The following CCBE1 variants were observed in gnomAD, a reference collection of about 807,000 sequenced individuals.
CCBE1 encodes the protein collagen and calcium binding EGF domains 1, also known as collagen and calcium-binding EGF domain-containing protein 1.
Under a neutral mutation model 50.0 loss-of-function variants are expected in CCBE1, and 37 were observed. That is an observed-to-expected ratio of 0.74 (90% CI 0.57 to 0.97). The LOEUF (loss-of-function observed/expected upper bound fraction) is 0.97. CCBE1 is among the 50% of genes least tolerant of loss of function. CCBE1 has a pLI of 0.00. For synonymous variants in CCBE1, 234 were observed against 203.7 expected (o/e 1.15, Z -1.27); for missense variants, 538 against 523.8 (o/e 1.03, Z -0.26).
chr18:59,482,064 C>G (rs956787520), intron 2 of CCBE1, among the ~76,000 whole-genome samples: 6 of 152,202 alleles, frequency 3.9e-5, no homozygotes, highest in Admixed American at 2.6e-4. Flanking sequence ...CATCCCTCAA[C>G]AGGCCCCAGT....
At chr18:59,487,599 A>T (rs1451269244) in intron 2 of CCBE1, among the ~76,000 whole-genome samples, 1 of 152,156 alleles carries the variant, frequency 6.6e-6, no homozygotes, top group African/African-American at 2.4e-5. Flanking sequence ...CCACTAAGAT[A>T]AAACTAAAAA....
At chr18:59,564,395 T>C (rs1427351368) in intron 2 of CCBE1, among the ~76,000 whole-genome samples, 1 of 152,208 alleles carries the variant, frequency 6.6e-6, no homozygotes, top group Non-Finnish European at 1.5e-5. Context: ...ATAAACACTG[T>C]GTTTTTACTT....
chr18:59,616,523 C>T (rs1254505755), intron 2 of CCBE1, among the ~76,000 whole-genome samples: 1 of 152,212 alleles, frequency 6.6e-6, no homozygotes, highest in Non-Finnish European at 1.5e-5. Flanking sequence ...AAACAGGTCT[C>T]CCAAGCTAGA....
intron 2 of CCBE1, chr18:59,666,166 G>C (rs2054353296): frequency 6.6e-6 from 1 of 152,232 alleles, no homozygotes; most frequent in Non-Finnish European, 1.5e-5. Flanking sequence ...GGCAAAGAGA[G>C]AGTTTGTGAT....
intron 2 of CCBE1, among the ~76,000 whole-genome samples, chr18:59,545,006 A>C (rs1915625925): frequency 6.6e-6 from 1 of 152,214 alleles, no homozygotes; most frequent in Non-Finnish European, 1.5e-5. Flanking sequence ...TCAATATACA[A>C]TTGAAAGAGC....
rs192801786 is a variant in CCBE1 at position 59,648,104 on chromosome 18, C to A, written c.212+48525G>T. Among the ~76,000 whole-genome samples, 31 of 152,336 alleles carry A rather than the reference C, an allele frequency of 2.0e-4. No homozygotes were observed. In the East Asian group the frequency reaches 5.8e-3, roughly 28 times the overall value. ...ACGATGGAAAAAATTCCAGGTTGCC[C>A]TGTGTCAGGTCTCCCCATAAAACAC... On this transcript the variant is annotated intron_variant, in intron 2 of 10. Transcript: ENST00000439986.
intron 2 of CCBE1, among the ~76,000 whole-genome samples, chr18:59,514,746 G>T (rs572097767): frequency 6.7e-6 from 1 of 149,664 alleles, no homozygotes; most frequent in Non-Finnish European, 1.5e-5. Context: ...CCTTTGCCAC[G>T]ACACAGAATG....
chr18:59,466,788 T>C lies in CCBE1; in HGVS notation c.504A>G (p.Glu168=). The C allele has an allele frequency of 6.2e-7, 1 of 1,613,834 alleles. No homozygotes were observed. Among genetic ancestry groups the C allele is most frequent in the East Asian group, 2.2e-5 (1 of 44,884 alleles). The change falls in exon 5 of 11, where the codon GAA becomes GAG. Residue 168 remains glutamate (E), a synonymous_variant. Transcript: ENST00000439986. ...RCECREGYIR[E]DDGKTCTRGD... ...CCCTGGTACATGTCTTCCCATCATC[T>C]TCCCGGATGTAGCCTTCCCGGCACT...
intron 2 of CCBE1, among the ~76,000 whole-genome samples, chr18:59,535,300 T>C (rs1915205621): frequency 6.6e-6 from 1 of 152,214 alleles, no homozygotes; most frequent in Admixed American, 6.5e-5. Context: ...GAGGCACTTT[T>C]TGATAATTTC....
chr18:59,571,787 T>G (rs761485954), intron 2 of CCBE1, among the ~76,000 whole-genome samples: 4 of 152,204 alleles, frequency 2.6e-5, no homozygotes, highest in African/African-American at 4.8e-5. Flanking sequence ...GAAGAGTCAT[T>G]CTCTCAAAGT....
At chr18:59,459,943 T>C (rs974438002) in intron 5 of CCBE1, among the ~76,000 whole-genome samples, 16 of 152,240 alleles carry the variant, frequency 1.1e-4, no homozygotes, top group African/African-American at 3.1e-4. Context: ...CCTGGCCATC[T>C]GACACTGACC....
At chr18:59,696,337 AAATCC>A (rs2054803457) in intron 2 of CCBE1, 4 of 602,440 alleles carry the variant, frequency 6.6e-6, no homozygotes, top group Non-Finnish European at 1.1e-5. Flanking sequence ...TTTACACCCA[AAATCC>A]AATCCAATCT....
intron 2 of CCBE1, among the ~76,000 whole-genome samples, chr18:59,671,847 C>T (rs1034764723): frequency 2.0e-5 from 3 of 151,686 alleles, no homozygotes; most frequent in African/African-American, 4.8e-5. Context: ...GTATTTACTC[C>T]TAGAGAGCAG....
chr18:59,479,612 G>C (rs1381836081), intron 3 of CCBE1, among the ~76,000 whole-genome samples: 1 of 152,180 alleles, frequency 6.6e-6, no homozygotes, highest in Non-Finnish European at 1.5e-5. Context: ...ACCTGAACTT[G>C]CCCAAGGTCA....
At chr18:59,554,107 G>A (rs781001359) in intron 2 of CCBE1, among the ~76,000 whole-genome samples, 1 of 152,156 alleles carries the variant, frequency 6.6e-6, no homozygotes, top group Non-Finnish European at 1.5e-5. Flanking sequence ...GGCTCAAGCC[G>A]TCCTTCTGTG....
At chr18:59,436,542 T>C (rs1568137427) in intron 10 of CCBE1, among the ~76,000 whole-genome samples, 4 of 152,238 alleles carry the variant, frequency 2.6e-5, no homozygotes, top group Admixed American at 2.6e-4. Context: ...TCTTAATTTC[T>C]TGTGGTTCAG....
At chr18:59,514,618 GTTTT>G (rs5825344) in intron 2 of CCBE1, among the ~76,000 whole-genome samples, 3 of 120,314 alleles carry the variant, frequency 2.5e-5, no homozygotes, top group African/African-American at 1.1e-4. Flanking sequence ...ATGCTCTCCT[GTTTT>G]TTTTTTTTTC....
chr18:59,593,804 G>C (rs1230039061), intron 2 of CCBE1, among the ~76,000 whole-genome samples: 1 of 152,226 alleles, frequency 6.6e-6, no homozygotes, highest in Non-Finnish European at 1.5e-5. Context: ...AACTGATTAA[G>C]TCTGGGACAT....
intron 2 of CCBE1, among the ~76,000 whole-genome samples, chr18:59,657,720 G>A (rs910240523): frequency 1.8e-4 from 28 of 152,112 alleles, no homozygotes; most frequent in Non-Finnish European, 1.5e-4. Flanking sequence ...ATGAAACCAC[G>A]TCTCTACTGA....
Sources: gnomAD v4.1 joint callset for allele counts (sites outside exome capture counted in the v4.1 genomes callset) on GRCh38, gnomAD v4.1.1 for gene constraint, MANE v1.5 for transcripts, NCBI Gene and HGNC (gene_info 2026-07-23, HGNC 2026-07-21) for gene names.